The following MFN1 variants were observed in gnomAD, a reference collection of about 807,000 sequenced individuals.
MFN1 encodes mitofusin-1.
MFN1 carries 65 observed loss-of-function variants against 92.4 expected under a neutral mutation model. The ratio of observed to expected loss-of-function variants is 0.70; its 90% confidence interval spans 0.58 to 0.86. The LOEUF is 0.86. Among genes scored for constraint, MFN1 ranks in the 40% least tolerant of loss-of-function variants. The probability of loss-of-function intolerance (pLI) is 0.00; values close to 1 mark genes in which losing one functional copy is unlikely to be tolerated. For synonymous variants in MFN1, 297 were observed against 300.9 expected (o/e 0.99, Z 0.13); for missense variants, 781 against 868.0 (o/e 0.90, Z 1.26).
At chr3:179,377,264 T>C (rs1255788499) in intron 11 of MFN1, 80 bp from the exon 12 acceptor site, 1 of 1,520,144 alleles carries the variant, frequency 6.6e-7, no homozygotes, top group African/African-American at 1.4e-5. Flanking sequence ...AAGAATGTTT[T>C]CAGATTTTTC....
At chr3:179,351,858 A>T in intron 2 of MFN1, 42 bp from the exon 3 acceptor site, 1 of 1,561,850 alleles carries the variant, frequency 6.4e-7, no homozygotes, top group Non-Finnish European at 8.7e-7. Context: ...CTAACTTAAT[A>T]TTCATTTATA....
In MFN1 at chr3:179,378,138, C is replaced by G. The variant is rs912640996; in HGVS notation, c.1330-203C>G. On this transcript the variant is annotated intron_variant, in intron 12 of 17. Coordinates refer to ENST00000471841, the MANE Select transcript of MFN1 (RefSeq NM_033540.3). ...ACTCAGGAGTCTGAGGCAGGAGGAT[C>G]GCGTGAGCCTAGGAGGTCAAGGCTA... is the stretch of plus-strand genomic sequence containing the variant. 3.7e-5 allele frequency: 20 copies of G among 537,398 alleles called. No individual in the cohort carries two copies. In the South Asian group the frequency reaches 4.6e-4, roughly 12 times the overall value. 33.3% of individuals were successfully genotyped at this position (537,398 alleles called of 1,614,324 possible).
intron 14 of MFN1, among the ~76,000 whole-genome samples, chr3:179,384,159 G>T (rs62408875): frequency 6.6e-6 from 1 of 152,248 alleles, no homozygotes; most frequent in South Asian, 2.1e-4. Context: ...GGATGTATCA[G>T]TACTTCATTT....
At chr3:179,362,260 A>G (rs755469684) in intron 4 of MFN1, 98 bp from the exon 5 acceptor site, 878 of 1,191,384 alleles carry the variant, frequency 7.4e-4, no homozygotes, top group Non-Finnish European at 6.8e-4. Context: ...TACCTTTTAT[A>G]TACCTGTTTT....
intron 9 of MFN1, among the ~76,000 whole-genome samples, chr3:179,373,164 CAT>C (rs1448843000): frequency 3.3e-5 from 5 of 152,306 alleles, no homozygotes; most frequent in African/African-American, 1.2e-4. Context: ...TAATTACCCT[CAT>C]GTGCTCTATA....
chr3:179,363,566 A>T (rs903040834), intron 5 of MFN1, among the ~76,000 whole-genome samples: 2 of 150,010 alleles, frequency 1.3e-5, no homozygotes, highest in Non-Finnish European at 3.0e-5. Context: ...ATCATGGCTT[A>T]TTGCAAACTC....
chr3:179,353,399 G>C (rs1454103989), intron 3 of MFN1, among the ~76,000 whole-genome samples: 1 of 150,770 alleles, frequency 6.6e-6, no homozygotes, highest in Non-Finnish European at 1.5e-5. Context: ...TTAGAGATAG[G>C]GTTTCACCAT....
At chr3:179,372,768 T>C (rs890201713) in intron 9 of MFN1, among the ~76,000 whole-genome samples, 2 of 152,214 alleles carry the variant, frequency 1.3e-5, no homozygotes, top group Non-Finnish European at 2.9e-5. Context: ...ATTGCTGATA[T>C]CTAGATCTGC....
At chr3:179,365,351 G>T in intron 7 of MFN1, 126 bp downstream of exon 7, 4 of 576,256 alleles carry the variant, frequency 6.9e-6, no homozygotes, top group Non-Finnish European at 8.6e-6. Context: ...GATAGTTAGA[G>T]AAAACCTGAA....
chr3:179,365,243 T>C lies in MFN1; in HGVS notation c.753+18T>C. 2 of 1,408,970 alleles carry C rather than the reference T, an allele frequency of 1.4e-6. No homozygotes were observed. 87.3% of individuals were successfully genotyped at this position (1,408,970 alleles called of 1,614,324 possible). ...TGGAAGACGTAAGTTGTTATTTTTT[T>C]TTTTGTAGGTTTTGAAATACAGTCA... On this transcript the variant is annotated intron_variant, in intron 7 of 17. Coordinates refer to ENST00000471841, the MANE Select transcript of MFN1 (RefSeq NM_033540.3).
chr3:179,390,438 T>C (rs1713856660), intron 17 of MFN1, among the ~76,000 whole-genome samples: 1 of 152,210 alleles, frequency 6.6e-6, no homozygotes. Flanking sequence ...TATTATTCCC[T>C]TTTCAGAACA....
chr3:179,368,049 T>A lies in MFN1; in HGVS notation c.921T>A (p.Ala307=). 6.4e-7 allele frequency: 1 copy of A among 1,569,668 alleles called. No individual in the cohort carries two copies. Residue 307 remains alanine (A), a synonymous_variant, in exon 9 of 18, where the codon GCT becomes GCA. Coordinates refer to ENST00000471841, the MANE Select transcript of MFN1 (RefSeq NM_033540.3). ...QGMPESGVAL[A]EGFHARLQEF... ...TGTACGTTACAGGTGTGGCACTTGC[T>A]GAAGGATTTCATGCAAGATTACAGG... is the stretch of plus-strand genomic sequence containing the variant.
intron 3 of MFN1, among the ~76,000 whole-genome samples, chr3:179,354,875 A>G (rs905183484): frequency 4.6e-5 from 7 of 151,968 alleles, no homozygotes; most frequent in Non-Finnish European, 7.4e-5. Flanking sequence ...GCTCACTGCA[A>G]CCTCTGCCTC....
Position 179,351,668 on chromosome 3 carries a change from C to G in MFN1, c.113-232C>G, listed in dbSNP as rs183927555. On this transcript the variant is annotated intron_variant, in intron 2 of 17. Coordinates refer to ENST00000471841, the MANE Select transcript of MFN1 (RefSeq NM_033540.3). Reference sequence around the variant, plus strand: ...TCAAGGGTAGCTTGTATGTTTGAGACCTAGAAGTCCACTTTTGACTGTGCC... The same window carrying G: ...TCAAGGGTAGCTTGTATGTTTGAGAGCTAGAAGTCCACTTTTGACTGTGCC... Among the ~76,000 whole-genome samples, 272 of 152,268 alleles carry G rather than the reference C, an allele frequency of 1.8e-3. 2 individuals are homozygous for G. The highest frequency in any genetic ancestry group is 6.2e-3 in the African/African-American group (259 of 41,560).
chr3:179,358,742 C>A (rs184417844), intron 3 of MFN1, 98 bp from the exon 4 acceptor site: 4 of 1,278,604 alleles, frequency 3.1e-6, no homozygotes, highest in Admixed American at 2.4e-5. Flanking sequence ...GAAATCTTAA[C>A]AAAATTTGGA....
intron 9 of MFN1, among the ~76,000 whole-genome samples, chr3:179,368,488 G>C (rs965579139): frequency 6.6e-6 from 1 of 152,172 alleles, no homozygotes; most frequent in African/African-American, 2.4e-5. Flanking sequence ...TTTACTTTGT[G>C]CCGCATGACT....
At chr3:179,351,785 G>A (rs1712156083) in intron 2 of MFN1, 115 bp from the exon 3 acceptor site, 2 of 916,340 alleles carry the variant, frequency 2.2e-6, no homozygotes, top group South Asian at 2.4e-5. Context: ...ACATTGAGAT[G>A]CTGTGGGTGG....
At chr3:179,391,927 T>C in intron 17 of MFN1, 54 bp from the exon 18 acceptor site, 1 of 1,164,158 alleles carries the variant, frequency 8.6e-7, no homozygotes, top group Non-Finnish European at 1.3e-6. Flanking sequence ...ATGGAATGCA[T>C]TTTTCTCCTT....
intron 12 of MFN1, 47 bp from the exon 13 acceptor site, chr3:179,378,290 CTACA>C (rs1211588112): frequency 3.1e-6 from 4 of 1,298,756 alleles, no homozygotes; most frequent in Non-Finnish European, 3.2e-6. Context: ...TTTATAAAAA[CTACA>C]TACTTTCTGG....
Sources: gnomAD v4.1 joint callset for allele counts (sites outside exome capture counted in the v4.1 genomes callset) on GRCh38, gnomAD v4.1.1 for gene constraint, MANE v1.5 for transcripts, NCBI Gene and HGNC (gene_info 2026-07-23, HGNC 2026-07-21) for gene names.